The following ASRGL1 variants were observed in gnomAD, a reference collection of about 807,000 sequenced individuals.
ASRGL1 encodes the protein asparaginase and isoaspartyl peptidase 1.
In ASRGL1, 16 loss-of-function variants were observed where a neutral mutation model predicts 22.4. The observed-to-expected ratio is 0.71, with a 90% CI of 0.48 to 1.08. The LOEUF is 1.08. Ranked by LOEUF, ASRGL1 falls within the 50% of genes least tolerant of loss-of-function variation. The pLI is 0.00. For synonymous variants in ASRGL1, 165 were observed against 159.3 expected (o/e 1.04, Z -0.27); for missense variants, 412 against 410.1 (o/e 1.00, Z -0.04).
chr11:62,399,076 C>T, the ASRGL1 span, among the ~76,000 whole-genome samples: 16 of 152,194 alleles, frequency 1.1e-4, no homozygotes, highest in African/African-American at 3.4e-4. Flanking sequence ...ATTAACTGGG[C>T]GTGGTGGCAC....
At position 62,374,184 on chromosome 11, in the gene ASRGL1, G is replaced by A. The variant is rs535733259; in HGVS notation, c.492-14949G>A. ...TGCTGACCCAGCTCCCTTTAGTCACGTTTGCTTGGCTCTAGTACCAAATAG... is the reference window on the plus strand; with the variant it reads ...TGCTGACCCAGCTCCCTTTAGTCACATTTGCTTGGCTCTAGTACCAAATAG... On this transcript the variant is annotated intron_variant, in intron 4 of 6. Transcript: ENST00000415229. Among the ~76,000 whole-genome samples, 11 of 152,280 alleles carry A rather than the reference G, an allele frequency of 7.2e-5. 1 individual carries two copies. Among genetic ancestry groups the A allele is most frequent in the African/African-American group, 9.6e-5 (4 of 41,544 alleles).
At chr11:62,346,837 G>T (rs1946036383) in intron 2 of ASRGL1, among the ~76,000 whole-genome samples, 1 of 152,066 alleles carries the variant, frequency 6.6e-6, no homozygotes, top group African/African-American at 2.4e-5. Context: ...TCGCATGGTG[G>T]TGGGTGCCTG....
chr11:62,370,998 G>T, intron 4 of ASRGL1: 1 of 426,352 alleles, frequency 2.3e-6, no homozygotes, highest in South Asian at 6.2e-5. Flanking sequence ...ACATCCTGGC[G>T]CATTTTTAAG....
the ASRGL1 span, among the ~76,000 whole-genome samples, chr11:62,400,159 C>A: frequency 6.6e-6 from 1 of 152,168 alleles, no homozygotes; most frequent in Admixed American, 6.5e-5. Context: ...GGCCGGGTCC[C>A]CCACTGCCCC....
chr11:62,368,811 G>A lies in ASRGL1; in HGVS notation c.491+11667G>A, dbSNP rs528968579. Reference sequence around the variant, plus strand: ...AAAGGTGCTGTGCCTTGATGTGCACGTATACAAACATCTTGGTGCATTAAA... The same window carrying A: ...AAAGGTGCTGTGCCTTGATGTGCACATATACAAACATCTTGGTGCATTAAA... On this transcript the variant is annotated intron_variant, in intron 4 of 6. Transcript: ENST00000415229. 1.4e-4 allele frequency among the ~76,000 whole-genome samples: 22 copies of A among 152,274 alleles called. No homozygotes were observed. In the South Asian group the frequency reaches 2.3e-3, roughly 16 times the overall value.
chr11:62,395,920 C>T (rs533615287), downstream of ASRGL1, among the ~76,000 whole-genome samples: 69 of 151,672 alleles, frequency 4.5e-4, 2 homozygotes, highest in South Asian at 2.5e-3. Context: ...TACAGGCGCC[C>T]GCCACCATGC....
intron 4 of ASRGL1, chr11:62,372,597 G>A: frequency 1.1e-6 from 1 of 876,040 alleles, no homozygotes; most frequent in Non-Finnish European, 2.0e-6. Context: ...ACCAAATATG[G>A]TTATGCGAGA....
At chr11:62,381,626 T>A (rs1163353308) in intron 4 of ASRGL1, among the ~76,000 whole-genome samples, 1 of 152,176 alleles carries the variant, frequency 6.6e-6, no homozygotes, top group Non-Finnish European at 1.5e-5. Context: ...TCCCAATCTT[T>A]TAGATCTAAA....
At chr11:62,394,368 AATATT>A (rs1947406603), downstream of ASRGL1, among the ~76,000 whole-genome samples, 2 of 143,502 alleles carry the variant, frequency 1.4e-5, no homozygotes, top group Non-Finnish European at 3.0e-5. Flanking sequence ...TGTAAATTAT[AATATT>A]AGATTAAGGT....
rs935357083 is a variant in ASRGL1 at position 62,391,904 on chromosome 11, T to A, written c.722-175T>A. On this transcript the variant is annotated intron_variant, in intron 6 of 6. Coordinates refer to ENST00000415229, the MANE Select transcript of ASRGL1 (RefSeq NM_001083926.2). ...GGAGGGAAGACCCCTCTGCTCAGGC[T>A]GATGCTAGGGCGCTGTCTCAGGGCA... 13 of 793,442 alleles carry A rather than the reference T, an allele frequency of 1.6e-5. No individual in the cohort carries two copies. In the African/African-American group the frequency reaches 2.3e-4, roughly 14 times the overall value. 49.2% of individuals were successfully genotyped at this position (793,442 alleles called of 1,614,324 possible).
chr11:62,347,654 T>A (rs964333357), intron 2 of ASRGL1, among the ~76,000 whole-genome samples: 5 of 151,684 alleles, frequency 3.3e-5, no homozygotes, highest in Admixed American at 1.3e-4. Context: ...TAAGACTGCC[T>A]TTGCAAGCCA....
chr11:62,367,434 T>C lies in ASRGL1; in HGVS notation c.491+10290T>C, dbSNP rs576132063. 8.1e-5 allele frequency among the ~76,000 whole-genome samples: 12 copies of C among 147,356 alleles called. 1 individual carries two copies. The highest frequency in any genetic ancestry group is 3.1e-4 in the African/African-American group (12 of 39,322). On this transcript the variant is annotated intron_variant, in intron 4 of 6. Coordinates refer to ENST00000415229, the MANE Select transcript of ASRGL1 (RefSeq NM_001083926.2). ...GCTGAGGTGGGTGGATTACTTGAGG[T>C]CAGGAGTTTGAGACCAGTTGACCAA...
rs150809411 is a variant in ASRGL1 at position 62,380,324 on chromosome 11, A to C, written c.492-8809A>C. Among the ~76,000 whole-genome samples the C allele has an allele frequency of 3.3e-5, 5 of 152,216 alleles. No homozygotes were observed. The East Asian group carries it at 9.6e-4, about 29-fold the overall frequency. Reference sequence around the variant, plus strand: ...TTTCATCGGTAATTGACTTTTGAGCAGCATCTCGGAGCCTTGCCACAAAAT... The same window carrying C: ...TTTCATCGGTAATTGACTTTTGAGCCGCATCTCGGAGCCTTGCCACAAAAT... On this transcript the variant is annotated intron_variant, in intron 4 of 6. Transcript: ENST00000415229.
chr11:62,393,498 C>G (rs1167223044), downstream of ASRGL1: 3 of 152,206 alleles, frequency 2.0e-5, no homozygotes, highest in East Asian at 3.9e-4. Flanking sequence ...ACAGAGACCT[C>G]GAGATGAGGA....
intron 4 of ASRGL1, among the ~76,000 whole-genome samples, chr11:62,386,386 GTAT>G (rs1947201464): frequency 1.4e-5 from 1 of 69,812 alleles, no homozygotes; most frequent in African/African-American, 3.2e-5. Context: ...TGTTATAATT[GTAT>G]TATTTTATTA....
chr11:62,388,484 T>A (rs1357658575), intron 4 of ASRGL1, among the ~76,000 whole-genome samples: 1 of 151,816 alleles, frequency 6.6e-6, no homozygotes, highest in Admixed American at 6.6e-5. Flanking sequence ...CTGGCCAAGA[T>A]GATGATGAAA....
At position 62,337,938 on chromosome 11, in the gene ASRGL1, G is replaced by A; in HGVS notation, c.-40G>A. On this transcript the variant is annotated 5_prime_UTR_variant, in exon 2 of 7. Transcript: ENST00000415229. The stretch of plus-strand genomic sequence containing the variant: ...GCGCGGCTTCCTTGGGCTGGCTTTG[G>A]ACGACGCTTTCGCCTTCCTGCTGCC... 1 of 1,557,786 alleles carries A rather than the reference G, an allele frequency of 6.4e-7. No homozygotes were observed. The highest frequency in any genetic ancestry group is 1.3e-5 in the African/African-American group (1 of 74,116).
intron 6 of ASRGL1, 51 bp from the exon 7 acceptor site, chr11:62,392,028 G>A (rs1472130802): frequency 6.3e-7 from 1 of 1,587,796 alleles, no homozygotes; most frequent in Non-Finnish European, 8.6e-7. Context: ...ATTTTCCCAT[G>A]AGATTCCTTT....
At chr11:62,369,748 T>C (rs772419088) in intron 4 of ASRGL1, among the ~76,000 whole-genome samples, 6 of 152,110 alleles carry the variant, frequency 3.9e-5, no homozygotes, top group Admixed American at 6.5e-5. Context: ...TAAAGTGAGA[T>C]TATCTTCTCT....
Sources: allele counts gnomAD v4.1 joint callset (sites outside exome capture counted in the v4.1 genomes callset), GRCh38; gene constraint gnomAD v4.1.1; transcripts MANE v1.5; gene names NCBI Gene and HGNC (gene_info 2026-07-23, HGNC 2026-07-21).